Variants in CNTN5 observed in about 807,000 individuals in gnomAD.
CNTN5 encodes contactin-5.
CNTN5 carries 77 observed loss-of-function variants against 129.1 expected under a neutral mutation model. The observed-to-expected ratio is 0.60, with a 90% confidence interval of 0.50 to 0.72. The LOEUF is 0.72. CNTN5 is among the 30% of genes least tolerant of loss of function. CNTN5 has a pLI of 0.00. For synonymous variants in CNTN5, 509 were observed against 465.6 expected (o/e 1.09, Z -1.20); for missense variants, 1,478 against 1,328.8 (o/e 1.11, Z -1.75).
intron 17 of CNTN5, among the ~76,000 whole-genome samples, chr11:100,257,233 T>G (rs1350071466): frequency 6.6e-6 from 1 of 152,130 alleles, no homozygotes; most frequent in East Asian, 1.9e-4. Context: ...ACTGCCTCTC[T>G]AGATTCTTCC....
At chr11:99,580,983 C>T (rs1242293889) in intron 3 of CNTN5, among the ~76,000 whole-genome samples, 2 of 147,102 alleles carry the variant, frequency 1.4e-5, no homozygotes, top group African/African-American at 5.0e-5. Context: ...CTATAAATTT[C>T]CCTCTACACA....
intron 6 of CNTN5, among the ~76,000 whole-genome samples, chr11:99,858,152 A>T (rs564637159): frequency 3.9e-5 from 6 of 152,276 alleles, no homozygotes; most frequent in African/African-American, 1.4e-4. Flanking sequence ...TAGGTGGATG[A>T]ATTTAGAGAA....
intron 7 of CNTN5, among the ~76,000 whole-genome samples, chr11:99,928,360 G>A (rs1483587100): frequency 6.6e-6 from 1 of 152,178 alleles, no homozygotes; most frequent in East Asian, 1.9e-4. Flanking sequence ...CTGTGTGGGG[G>A]CTCCAATCCC....
chr11:99,376,450 G>T (rs999655599), intron 2 of CNTN5, among the ~76,000 whole-genome samples: 1 of 152,166 alleles, frequency 6.6e-6, no homozygotes, highest in Non-Finnish European at 1.5e-5. Flanking sequence ...AGGTAAAAGT[G>T]TTTAAAACTG....
At chr11:99,975,112 G>T (rs180685756) in intron 8 of CNTN5, among the ~76,000 whole-genome samples, 2 of 152,194 alleles carry the variant, frequency 1.3e-5, no homozygotes, top group Non-Finnish European at 2.9e-5. Context: ...TTAAATAAAA[G>T]ACATAGCCTC....
intron 6 of CNTN5, among the ~76,000 whole-genome samples, chr11:99,849,138 GTTATCCATATACTAACATAATATCAAA>G (rs1947794185): frequency 6.6e-6 from 1 of 151,590 alleles, no homozygotes; most frequent in African/African-American, 2.4e-5. Context: ...GAAGAATTAA[GTTATCCATATACTAACATAATATCAAA>G]TTATCCATAT....
At chr11:99,383,593 CTGCT>C (rs1322665051) in intron 2 of CNTN5, among the ~76,000 whole-genome samples, 4 of 138,224 alleles carry the variant, frequency 2.9e-5, no homozygotes, top group Non-Finnish European at 4.9e-5. Flanking sequence ...GGTTGAGAAG[CTGCT>C]TTTTTTTTTT....
At chr11:100,192,233 T>C (rs1948515306) in intron 14 of CNTN5, among the ~76,000 whole-genome samples, 1 of 152,012 alleles carries the variant, frequency 6.6e-6, no homozygotes, top group Admixed American at 6.6e-5. Flanking sequence ...TCCAAAGACA[T>C]TTTTAAAATA....
chr11:99,411,680 T>C (rs528157147), intron 2 of CNTN5, among the ~76,000 whole-genome samples: 13 of 152,182 alleles, frequency 8.5e-5, no homozygotes, highest in Non-Finnish European at 1.9e-4. Flanking sequence ...ATTACTCCTA[T>C]TTGTAGCCTA....
At chr11:99,864,145 C>A (rs1344085824) in intron 6 of CNTN5, among the ~76,000 whole-genome samples, 9 of 152,026 alleles carry the variant, frequency 5.9e-5, no homozygotes, top group Admixed American at 5.9e-4. Context: ...GTTAATATTA[C>A]TGAAGTTAAT....
chr11:100,015,794 TA>T, intron 9 of CNTN5, among the ~76,000 whole-genome samples: 1 of 152,154 alleles, frequency 6.6e-6, no homozygotes. Context: ...AGGCTTTTTT[TA>T]AAATTAATTA....
intron 3 of CNTN5, among the ~76,000 whole-genome samples, chr11:99,729,266 A>G (rs932517467): frequency 1.3e-5 from 2 of 152,132 alleles, no homozygotes; most frequent in Non-Finnish European, 2.9e-5. Flanking sequence ...ATTGGGCAGG[A>G]AGGAAAATTC....
chr11:99,152,647 A>G (rs961737508), intron 1 of CNTN5, among the ~76,000 whole-genome samples: 8 of 152,188 alleles, frequency 5.3e-5, no homozygotes, highest in Non-Finnish European at 1.2e-4. Flanking sequence ...TTTACCTTCA[A>G]GGTCAATAGT....
At chr11:99,410,327 A>C (rs1191613397) in intron 2 of CNTN5, among the ~76,000 whole-genome samples, 1 of 152,178 alleles carries the variant, frequency 6.6e-6, no homozygotes, top group Non-Finnish European at 1.5e-5. Flanking sequence ...AAGAACTGAC[A>C]CGGTTAAGGA....
intron 2 of CNTN5, among the ~76,000 whole-genome samples, chr11:99,542,554 G>T (rs528706594): frequency 1.3e-5 from 2 of 152,114 alleles, no homozygotes; most frequent in South Asian, 2.1e-4. Context: ...TTACTTTTGC[G>T]CCAACTTAAC....
chr11:99,738,919 T>C (rs1943801152), intron 3 of CNTN5, among the ~76,000 whole-genome samples: 1 of 152,204 alleles, frequency 6.6e-6, no homozygotes, highest in African/African-American at 2.4e-5. Context: ...ACGCTTGTTA[T>C]ACTTATGAGA....
chr11:99,911,394 C>A (rs1949655052), intron 6 of CNTN5, among the ~76,000 whole-genome samples: 1 of 151,852 alleles, frequency 6.6e-6, no homozygotes, highest in Admixed American at 6.6e-5. Flanking sequence ...CTCAACATTG[C>A]CACTTATTCA....
chr11:99,858,499 A>G (rs888701265), intron 6 of CNTN5, among the ~76,000 whole-genome samples: 7 of 152,004 alleles, frequency 4.6e-5, no homozygotes, highest in East Asian at 3.9e-4. Context: ...CTTGACCTCT[A>G]TTTCCTAAAT....
At chr11:99,098,238 G>T (rs550468061) in intron 1 of CNTN5, among the ~76,000 whole-genome samples, 2 of 152,178 alleles carry the variant, frequency 1.3e-5, no homozygotes, top group African/African-American at 4.8e-5. Context: ...ACTGATGAAT[G>T]TTTAGGTCTG....
Sources: gnomAD v4.1 joint callset for allele counts (sites outside exome capture counted in the v4.1 genomes callset) on GRCh38, gnomAD v4.1.1 for gene constraint, MANE v1.5 for transcripts, NCBI Gene and HGNC (gene_info 2026-07-23, HGNC 2026-07-21) for gene names.